Variants in HIF1A observed in about 807,000 individuals in gnomAD.
HIF1A encodes hypoxia-inducible factor 1-alpha.
A neutral mutation model predicts 92.7 loss-of-function variants in HIF1A; 24 were observed. That is an observed-to-expected ratio of 0.26 (90% CI 0.19 to 0.36). HIF1A has a LOEUF of 0.36. Ranked by LOEUF, HIF1A falls within the 10% of genes least tolerant of loss-of-function variation. The pLI is 1.00. For synonymous variants in HIF1A, 319 were observed against 338.7 expected (o/e 0.94, Z 0.64); for missense variants, 799 against 998.5 (o/e 0.80, Z 2.69).
Position 61,746,914 on chromosome 14 carries a change from GTATCTC to G in HIF1A, c.2330-18_2330-13del. 1 of 1,576,210 alleles carries G rather than the reference GTATCTC, an allele frequency of 6.3e-7. No individual in the cohort carries two copies. Among genetic ancestry groups the G allele is most frequent in the Non-Finnish European group, 8.6e-7 (1 of 1,156,530 alleles). ...ATTGACTAGATGAATGTATACTTAG[GTATCTC>G]TTTTGTTTTTCAGATTTAGCATGTA... On this transcript the variant is annotated splice_polypyrimidine_tract_variant and intron_variant, in intron 14 of 14. Transcript: ENST00000337138.
intron 4 of HIF1A, among the ~76,000 whole-genome samples, chr14:61,725,447 CTT>C (rs2044492612): frequency 6.6e-6 from 1 of 151,688 alleles, no homozygotes; most frequent in South Asian, 2.1e-4. Flanking sequence ...CAGTGTCTCA[CTT>C]TGTCACCCAG....
intron 1 of HIF1A, chr14:61,698,799 C>G (rs2044144441): frequency 6.6e-6 from 1 of 152,170 alleles, no homozygotes; most frequent in Non-Finnish European, 1.5e-5. Flanking sequence ...TGGAGGCCTC[C>G]TGCTTCACAA....
intron 1 of HIF1A, among the ~76,000 whole-genome samples, chr14:61,700,168 A>T (rs2044162655): frequency 6.6e-6 from 1 of 152,148 alleles, no homozygotes; most frequent in African/African-American, 2.4e-5. Context: ...TAGTTCAAAA[A>T]CATTAACCTA....
rs1295081837 is a variant in HIF1A, at chr14:61,738,339, C to T, written c.1502C>T (p.Pro501Leu). The T allele has an allele frequency of 1.2e-6, 2 of 1,612,070 alleles. No individual in the cohort carries two copies. Among genetic ancestry groups the T allele is most frequent in the African/African-American group, 2.7e-5 (2 of 74,826 alleles). ...MPQIQDQTPS[P>L]SDGSTRQSSP... ...CAGATTCAGGATCAGACACCTAGTC[C>T]TTCCGATGGAAGCACTAGACAAAGT... The change falls in exon 10 of 15, where the codon CCT (proline) becomes CTT (leucine). Residue 501 changes from proline to leucine, a missense_variant. Around this residue, in one of 2 missense-constraint regions of HIF1A, gnomAD observed 516 missense variants for 721.0 expected, o/e 0.72. Coordinates refer to ENST00000337138, the MANE Select transcript of HIF1A (RefSeq NM_001530.4).
In HIF1A at chr14:61,695,682, C is replaced by A; in HGVS notation, c.-123C>A. On this transcript the variant is annotated 5_prime_UTR_variant, in exon 1 of 15. Coordinates refer to ENST00000337138, the MANE Select transcript of HIF1A (RefSeq NM_001530.4). ...TCTAGTCTCACGAGGGGTTTCCCGC[C>A]TCGCACCCCCACCTCTGGACTTGCC... 1 of 1,064,316 alleles carries A rather than the reference C, an allele frequency of 9.4e-7. No individual in the cohort carries two copies. 65.9% of individuals were successfully genotyped at this position (1,064,316 alleles called of 1,614,324 possible).
At position 61,695,803 on chromosome 14, in the gene HIF1A, C is replaced by T; in HGVS notation, c.-2C>T. 3 of 1,597,020 alleles carry T rather than the reference C, an allele frequency of 1.9e-6. No individual in the cohort carries two copies. The highest frequency in any genetic ancestry group is 2.6e-6 in the Non-Finnish European group (3 of 1,173,376). On this transcript the variant is annotated 5_prime_UTR_variant, in exon 1 of 15. Transcript: ENST00000337138. ...TGAAGACATCGCGGGGACCGATTCA[C>T]CATGGAGGGCGCCGGCGGCGCGAAC...
At chr14:61,730,221 C>G (rs2044559374) in intron 6 of HIF1A, among the ~76,000 whole-genome samples, 1 of 152,108 alleles carries the variant, frequency 6.6e-6, no homozygotes, top group East Asian at 1.9e-4. Context: ...CACCCCGACC[C>G]TTTTGGTATA....
intron 1 of HIF1A, among the ~76,000 whole-genome samples, chr14:61,701,182 G>T (rs2044172048): frequency 6.6e-6 from 1 of 152,122 alleles, no homozygotes; most frequent in African/African-American, 2.4e-5. Context: ...GCTTTTAGCT[G>T]TTCTGGTGAT....
chr14:61,696,502 T>G lies in HIF1A; in HGVS notation c.35+663T>G, dbSNP rs76237089. Among the ~76,000 whole-genome samples the G allele has an allele frequency of 1.7e-3, 255 of 152,332 alleles. 11 individuals carry two copies. In the East Asian group the frequency reaches 0.045, roughly 27 times the overall value. On this transcript the variant is annotated intron_variant, in intron 1 of 14. Coordinates refer to ENST00000337138, the MANE Select transcript of HIF1A (RefSeq NM_001530.4). Reference sequence around the variant, plus strand: ...TTAGTTTGCACGTGCAGGTTTTGTTTCGTTTTAATCGCCTTGAAAAACTTG... The same window carrying G: ...TTAGTTTGCACGTGCAGGTTTTGTTGCGTTTTAATCGCCTTGAAAAACTTG...
At chr14:61,739,393 A>G (rs2044679015) in intron 10 of HIF1A, among the ~76,000 whole-genome samples, 1 of 152,190 alleles carries the variant, frequency 6.6e-6, no homozygotes, top group African/African-American at 2.4e-5. Flanking sequence ...TATGCTCAGG[A>G]GTAGGGCAAC....
rs2044699967 is a variant in HIF1A, at chr14:61,740,815, T to C, written c.1720T>C (p.Leu574=). ...PYIPMDDDFQ[L]RSFDQLSPLE... ...TATCCCAATGGATGATGACTTCCAG[T>C]TACGTTCCTTCGATCAGTTGTCACC... The change falls in exon 12 of 15, where the codon TTA becomes CTA. Residue 574 remains leucine (L), a synonymous_variant. Coordinates refer to ENST00000337138, the MANE Select transcript of HIF1A (RefSeq NM_001530.4). 5 of 1,614,158 alleles carry C rather than the reference T, an allele frequency of 3.1e-6. No individual in the cohort carries two copies. Among genetic ancestry groups the C allele is most frequent in the Non-Finnish European group, 4.2e-6 (5 of 1,180,000 alleles).
chr14:61,707,334 T>C (rs1007220818), intron 1 of HIF1A, among the ~76,000 whole-genome samples: 13 of 152,152 alleles, frequency 8.5e-5, no homozygotes, highest in African/African-American at 2.9e-4. Flanking sequence ...ACTTTAAGTT[T>C]TAGGGTACAT....
At chr14:61,711,171 G>A (rs974740380) in intron 1 of HIF1A, among the ~76,000 whole-genome samples, 3 of 150,294 alleles carry the variant, frequency 2.0e-5, no homozygotes, top group African/African-American at 4.9e-5. Context: ...GCCTGGGTTC[G>A]GAAAACATAA....
At chr14:61,721,310 G>A (rs1284504221) in intron 2 of HIF1A, among the ~76,000 whole-genome samples, 199 bp from the exon 3 acceptor site, 1 of 152,098 alleles carries the variant, frequency 6.6e-6, no homozygotes, top group Non-Finnish European at 1.5e-5. Flanking sequence ...TTGCTTTGCT[G>A]CATTACTTTA....
chr14:61,729,870 C>T (rs2044554510), intron 6 of HIF1A, among the ~76,000 whole-genome samples: 1 of 152,010 alleles, frequency 6.6e-6, no homozygotes, highest in Non-Finnish European at 1.5e-5. Flanking sequence ...TTGAGTTTGA[C>T]CAGCAGACTG....
At chr14:61,741,275 C>T in intron 12 of HIF1A, 87 bp downstream of exon 12, 1 of 990,442 alleles carries the variant, frequency 1.0e-6, no homozygotes, top group South Asian at 1.8e-5. Context: ...AAACTTATAG[C>T]AAACTTTCTG....
chr14:61,732,554 T>G, intron 7 of HIF1A, 30 bp downstream of exon 7: 1 of 1,332,154 alleles, frequency 7.5e-7, no homozygotes, highest in African/African-American at 1.4e-5. Flanking sequence ...TCAGAGATAT[T>G]CTAATTACTT....
intron 8 of HIF1A, among the ~76,000 whole-genome samples, chr14:61,735,181 A>T (rs1300067144): frequency 6.6e-6 from 1 of 152,200 alleles, no homozygotes; most frequent in Non-Finnish European, 1.5e-5. Context: ...TTAGAATTTT[A>T]GCGATCTTTT....
chr14:61,722,476 C>T (rs2044445679), intron 4 of HIF1A, among the ~76,000 whole-genome samples: 1 of 152,114 alleles, frequency 6.6e-6, no homozygotes, highest in African/African-American at 2.4e-5. Flanking sequence ...CTCAAGTGAT[C>T]CTCCTGGCTC....
Sources: allele counts gnomAD v4.1 joint callset (sites outside exome capture counted in the v4.1 genomes callset), GRCh38; gene constraint gnomAD v4.1.1; regional missense constraint gnomAD v4.1.1; transcripts MANE v1.5; gene names NCBI Gene and HGNC (gene_info 2026-07-23, HGNC 2026-07-21).